Variants in EPM2A observed in about 807,000 individuals in gnomAD.
EPM2A encodes EPM2A glucan phosphatase, laforin, also known as laforin.
A neutral mutation model predicts 26.5 loss-of-function variants in EPM2A; 21 were observed. The ratio of observed to expected loss-of-function variants is 0.79; its 90% CI spans 0.56 to 1.14. The LOEUF is 1.14. Ranked by LOEUF, EPM2A falls within the 50% of genes most tolerant of loss-of-function variation. The pLI is 0.00. For missense variants in EPM2A, 458 were observed against 440.8 expected, an observed-to-expected ratio of 1.04 and a Z score of -0.35; for synonymous variants, 217 against 177.6, an observed-to-expected ratio of 1.22 and a Z score of -1.76.
At chr6:145,450,136 G>A (rs1779176603) in intron 4 of EPM2A, among the ~76,000 whole-genome samples, 1 of 151,884 alleles carries the variant, frequency 6.6e-6, no homozygotes, top group Non-Finnish European at 1.5e-5. Context: ...GGCAGATCAT[G>A]AGGTCAGGAG....
chr6:145,585,730 C>T (rs553819137), intron 2 of EPM2A, among the ~76,000 whole-genome samples: 1 of 152,092 alleles, frequency 6.6e-6, no homozygotes, highest in Admixed American at 6.5e-5. Context: ...TATTTTTGTG[C>T]ATTTATAAAT....
intron 2 of EPM2A, among the ~76,000 whole-genome samples, chr6:145,507,925 G>C (rs1208316597): frequency 2.0e-5 from 3 of 152,130 alleles, no homozygotes; most frequent in Non-Finnish European, 2.9e-5. Flanking sequence ...TGCTCCCTTG[G>C]TCAGTGGGGA....
chr6:145,714,032 A>G (rs1775478542), intron 1 of EPM2A, among the ~76,000 whole-genome samples: 1 of 152,240 alleles, frequency 6.6e-6, no homozygotes, highest in South Asian at 2.1e-4. Flanking sequence ...GAACAGGCAA[A>G]GCCCTAGAGA....
rs138872462 is a variant in EPM2A, at chr6:145,627,899, C to A, written c.719-206G>T. On this transcript the variant is annotated intron_variant, in intron 3 of 3. Transcript: ENST00000367519. Reference sequence around the variant, plus strand: ...CAAAGTGGAAAGAGCATTCCAGAGGCCAGAGGCTCTCTCTAATCCTTCCCT... The same window carrying A: ...CAAAGTGGAAAGAGCATTCCAGAGGACAGAGGCTCTCTCTAATCCTTCCCT... 4.5e-3 allele frequency: 3,061 copies of A among 673,738 alleles called. 13 individuals are homozygous for A. The highest frequency in any genetic ancestry group is 4.8e-3 in the Non-Finnish European group (1,953 of 402,714). 41.7% of individuals were successfully genotyped at this position (673,738 alleles called of 1,614,324 possible). A position where few individuals can be genotyped will look rare whatever the true frequency, so the allele number is the denominator to read the frequency against.
intron 2 of EPM2A, among the ~76,000 whole-genome samples, chr6:145,505,149 G>T (rs972594094): frequency 2.1e-5 from 3 of 146,030 alleles, no homozygotes; most frequent in African/African-American, 7.6e-5. Flanking sequence ...AATGCTAGAT[G>T]ACGCGTTAGT....
intron 1 of EPM2A, among the ~76,000 whole-genome samples, chr6:145,710,835 G>C: frequency 6.6e-6 from 1 of 151,934 alleles, no homozygotes; most frequent in Non-Finnish European, 1.5e-5. Flanking sequence ...CATAGATGAA[G>C]CTGGAAATCA....
chr6:145,549,257 A>G (rs556935077), intron 2 of EPM2A, among the ~76,000 whole-genome samples: 2 of 152,282 alleles, frequency 1.3e-5, no homozygotes, highest in South Asian at 4.1e-4. Context: ...GTTAAAGACA[A>G]AAGGCAATTT....
chr6:145,581,486 G>C (rs751146252), intron 2 of EPM2A, among the ~76,000 whole-genome samples: 1 of 152,090 alleles, frequency 6.6e-6, no homozygotes, highest in Non-Finnish European at 1.5e-5. Context: ...CTGTGCAGAA[G>C]CTCTTTAGTT....
At chr6:145,734,609 G>GA (rs1206626045) in intron 1 of EPM2A, 3 of 152,154 alleles carry the variant, frequency 2.0e-5, no homozygotes, top group African/African-American at 4.8e-5. Flanking sequence ...CAATATCTAT[G>GA]AAAAAAATCT....
At chr6:145,487,412 C>A (rs571170167) in intron 4 of EPM2A, among the ~76,000 whole-genome samples, 1 of 152,114 alleles carries the variant, frequency 6.6e-6, no homozygotes, top group Non-Finnish European at 1.5e-5. Context: ...TTTGAGGAAT[C>A]GCCACACTGT....
intron 2 of EPM2A, among the ~76,000 whole-genome samples, chr6:145,595,683 G>A (rs1194864568): frequency 6.6e-6 from 1 of 151,990 alleles, no homozygotes; most frequent in Non-Finnish European, 1.5e-5. Context: ...CAAAGCTACT[G>A]TTTTTGCATA....
chr6:145,389,019 A>G (rs939808282), intron 4 of EPM2A, among the ~76,000 whole-genome samples: 1 of 152,076 alleles, frequency 6.6e-6, no homozygotes, highest in Non-Finnish European at 1.5e-5. Flanking sequence ...AATCCTTTAT[A>G]TACTCAGTAA....
downstream of EPM2A, among the ~76,000 whole-genome samples, chr6:145,498,421 A>G (rs902052153): frequency 6.6e-6 from 1 of 152,168 alleles, no homozygotes; most frequent in Non-Finnish European, 1.5e-5. Context: ...GAGCCAGAGT[A>G]TGTAAAGCTC....
intron 2 of EPM2A, among the ~76,000 whole-genome samples, chr6:145,674,826 G>C (rs921687870): frequency 6.6e-6 from 1 of 152,134 alleles, no homozygotes; most frequent in Non-Finnish European, 1.5e-5. Flanking sequence ...ACCTGAAAGT[G>C]ACAGGGAGAA....
At chr6:145,458,444 A>AT (rs1227653064) in intron 4 of EPM2A, among the ~76,000 whole-genome samples, 1 of 152,156 alleles carries the variant, frequency 6.6e-6, no homozygotes, top group Non-Finnish European at 1.5e-5. Context: ...CCTACGCTGG[A>AT]TTTAACAAGC....
intron 2 of EPM2A, among the ~76,000 whole-genome samples, chr6:145,669,747 G>T (rs776637377): frequency 6.6e-6 from 1 of 152,120 alleles, no homozygotes; most frequent in Non-Finnish European, 1.5e-5. Flanking sequence ...TTCTGTATTT[G>T]TTATAAGAAA....
rs1779275884 is a variant in EPM2A, at chr6:145,667,266, C to T, written c.476+18856G>A. On this transcript the variant is annotated intron_variant, in intron 2 of 3. Transcript: ENST00000367519. ...GAGAAAATTTTCACAACCTACTCATCTGACAAAGGGCTAATATCCAGAATC... is the reference window on the plus strand; with the variant it reads ...GAGAAAATTTTCACAACCTACTCATTTGACAAAGGGCTAATATCCAGAATC... Among the ~76,000 whole-genome samples, 3 of 133,068 alleles carry T rather than the reference C, an allele frequency of 2.3e-5. No homozygotes were observed. In the South Asian group the frequency reaches 7.6e-4, roughly 34 times the overall value. The allele number at this position is 133,068 out of a possible 152,430, so 87.3% of individuals were successfully genotyped here. A position where few individuals can be genotyped will look rare whatever the true frequency, so the allele number is the denominator to read the frequency against.
intron 2 of EPM2A, among the ~76,000 whole-genome samples, chr6:145,567,472 G>T (rs1780899091): frequency 6.6e-6 from 1 of 152,156 alleles, no homozygotes; most frequent in South Asian, 2.1e-4. Context: ...TCATCACCTG[G>T]AACATGCTGC....
chr6:145,572,553 C>A (rs573021411), intron 2 of EPM2A, among the ~76,000 whole-genome samples: 22 of 152,334 alleles, frequency 1.4e-4, no homozygotes, highest in African/African-American at 4.1e-4. Flanking sequence ...GACCCATATG[C>A]AAATGTTCAG....
Sources: allele counts gnomAD v4.1 joint callset (sites outside exome capture counted in the v4.1 genomes callset), GRCh38; gene constraint gnomAD v4.1.1; transcripts MANE v1.5; gene names NCBI Gene and HGNC (gene_info 2026-07-23, HGNC 2026-07-21).